The following ZNF567 variants were observed in gnomAD, a reference collection of about 807,000 sequenced individuals.
ZNF567 encodes zinc finger protein 567.
Under a neutral mutation model 53.9 loss-of-function variants are expected in ZNF567, and 36 were observed. The observed-to-expected ratio is 0.67, with a 90% CI of 0.51 to 0.88. The LOEUF is 0.88. ZNF567 is among the 40% of genes least tolerant of loss of function. ZNF567 has a pLI of 0.00. For synonymous variants in ZNF567, 224 were observed against 260.4 expected (o/e 0.86, Z 1.35); for missense variants, 619 against 764.7 (o/e 0.81, Z 2.25).
chr19:36,693,280 C>A (rs1883149734), intron 2 of ZNF567, among the ~76,000 whole-genome samples: 1 of 151,874 alleles, frequency 6.6e-6, no homozygotes, highest in Non-Finnish European at 1.5e-5. Flanking sequence ...AGAGTGAGAC[C>A]CTGTCTCAAA....
intron 3 of ZNF567, chr19:36,703,642 G>A (rs10410734): frequency 2.6e-3 from 420 of 160,582 alleles, no homozygotes; most frequent in African/African-American, 9.5e-3. Flanking sequence ...TGGAGGGCAC[G>A]TCTACCCCAG....
the ZNF567 span, among the ~76,000 whole-genome samples, chr19:36,670,040 A>G: frequency 6.6e-6 from 1 of 152,164 alleles, no homozygotes; most frequent in Non-Finnish European, 1.5e-5. Context: ...ATCACAATAA[A>G]TTATTGTTTC....
intron 2 of ZNF567, among the ~76,000 whole-genome samples, chr19:36,692,350 T>C (rs919449008): frequency 6.6e-6 from 1 of 152,078 alleles, no homozygotes; most frequent in Non-Finnish European, 1.5e-5. Flanking sequence ...GTTGGTGCAT[T>C]GTGTAATGAC....
At chr19:36,676,647 G>A in the ZNF567 span, among the ~76,000 whole-genome samples, 1 of 152,178 alleles carries the variant, frequency 6.6e-6, no homozygotes, top group Admixed American at 6.5e-5. Flanking sequence ...TAACCATCAA[G>A]TTCTCCAGGT....
At chr19:36,711,072 T>C (rs7251193) in intron 3 of ZNF567, among the ~76,000 whole-genome samples, 1 of 150,298 alleles carries the variant, frequency 6.7e-6, no homozygotes, top group African/African-American at 2.4e-5. Context: ...CTCTCACTTT[T>C]TGTGTGTGTG....
chr19:36,722,728 C>T (rs1655307369), downstream of ZNF567, among the ~76,000 whole-genome samples: 1 of 152,174 alleles, frequency 6.6e-6, no homozygotes, highest in African/African-American at 2.4e-5. Context: ...GAGGGACAGC[C>T]ATTGCCAATC....
upstream of ZNF567, chr19:36,686,690 C>A (rs1395273747): frequency 2.6e-5 from 4 of 152,160 alleles, no homozygotes; most frequent in African/African-American, 4.8e-5. Flanking sequence ...ACTTACAACT[C>A]GAAAAGCCTC....
intron 3 of ZNF567, among the ~76,000 whole-genome samples, chr19:36,703,251 T>A (rs1203970758): frequency 6.6e-6 from 1 of 152,122 alleles, no homozygotes; most frequent in Non-Finnish European, 1.5e-5. Context: ...ATTTTCGTGA[T>A]CCGCAAATGC....
downstream of ZNF567, among the ~76,000 whole-genome samples, chr19:36,725,084 C>T (rs1196251005): frequency 6.6e-6 from 1 of 152,064 alleles, no homozygotes; most frequent in Admixed American, 6.6e-5. Flanking sequence ...AATGTCACTT[C>T]TTTCTGGTCT....
chr19:36,726,467 T>G (rs2145941582), downstream of ZNF567, among the ~76,000 whole-genome samples: 1 of 152,330 alleles, frequency 6.6e-6, no homozygotes, highest in East Asian at 1.9e-4. Context: ...AATCCAGATT[T>G]CCCACTCACC....
Position 36,709,978 on chromosome 19 carries a change from G to C in ZNF567, c.10-2408G>C, listed in dbSNP as rs560685495. Among the ~76,000 whole-genome samples, 41 of 152,246 alleles carry C rather than the reference G, an allele frequency of 2.7e-4. No individual in the cohort carries two copies. The South Asian group carries it at 4.6e-3, about 17-fold the overall frequency. ...AACTCCTTGAATATGTAAATTAAAAGTTCTTGCCAAGTTTGGAGTTAGGCC... is the reference window on the plus strand; with the variant it reads ...AACTCCTTGAATATGTAAATTAAAACTTCTTGCCAAGTTTGGAGTTAGGCC... On this transcript the variant is annotated intron_variant, in intron 3 of 5. Coordinates refer to ENST00000682579, the MANE Select transcript of ZNF567 (RefSeq NM_001322917.1).
chr19:36,683,128 T>C (rs1036882256), upstream of ZNF567, among the ~76,000 whole-genome samples: 4 of 151,964 alleles, frequency 2.6e-5, no homozygotes, highest in East Asian at 2.0e-4. Flanking sequence ...TTGGAGTGCA[T>C]TGGCACAATC....
upstream of ZNF567, chr19:36,686,396 A>T (rs1027409418): frequency 6.6e-6 from 1 of 152,198 alleles, no homozygotes; most frequent in Admixed American, 6.5e-5. Flanking sequence ...TTGCCACCAC[A>T]CGAGCTCTCA....
chr19:36,723,376 T>C, downstream of ZNF567: 1 of 630,068 alleles, frequency 1.6e-6, no homozygotes, highest in East Asian at 2.7e-5. Flanking sequence ...TGTCTCCTGA[T>C]TTACTGATTA....
upstream of ZNF567, among the ~76,000 whole-genome samples, chr19:36,683,313 C>T (rs1167116569): frequency 6.6e-6 from 1 of 152,060 alleles, no homozygotes; most frequent in Non-Finnish European, 1.5e-5. Flanking sequence ...CTCAAGTGTT[C>T]CACCCGTCTC....
At chr19:36,701,458 G>A (rs550490633) in intron 3 of ZNF567, among the ~76,000 whole-genome samples, 13 of 151,662 alleles carry the variant, frequency 8.6e-5, no homozygotes, top group African/African-American at 3.1e-4. Flanking sequence ...GCAGAGCTGA[G>A]TTCAATTCCT....
intron 2 of ZNF567, among the ~76,000 whole-genome samples, chr19:36,694,297 G>A (rs1401475022): frequency 6.6e-6 from 1 of 152,170 alleles, no homozygotes; most frequent in Non-Finnish European, 1.5e-5. Flanking sequence ...TGAAATAAAT[G>A]ATGAGACCAC....
At chr19:36,714,640 C>T (rs2039956042) in intron 5 of ZNF567, 2 of 381,738 alleles carry the variant, frequency 5.2e-6, no homozygotes, top group Non-Finnish European at 9.3e-6. Flanking sequence ...TTAGAACTCA[C>T]TTAACACAAC....
intron 3 of ZNF567, among the ~76,000 whole-genome samples, chr19:36,701,013 T>C (rs555360876): frequency 2.6e-5 from 4 of 152,126 alleles, no homozygotes; most frequent in African/African-American, 9.6e-5. Context: ...AATTGTGATG[T>C]TAGGGTGTCA....
Sources: allele counts gnomAD v4.1 joint callset (sites outside exome capture counted in the v4.1 genomes callset), GRCh38; gene constraint gnomAD v4.1.1; transcripts MANE v1.5; gene names NCBI Gene and HGNC (gene_info 2026-07-23, HGNC 2026-07-21).